The following HNRNPUL2 variants were observed in gnomAD, a reference collection of about 807,000 sequenced individuals.
HNRNPUL2 encodes the protein heterogeneous nuclear ribonucleoprotein U-like protein 2.
HNRNPUL2 carries 27 observed loss-of-function variants against 102.2 expected under a neutral mutation model. That is an observed-to-expected ratio of 0.26 (90% confidence interval 0.19 to 0.36). The LOEUF is 0.36. Ranked by LOEUF, HNRNPUL2 falls within the 10% of genes least tolerant of loss-of-function variation. The probability of loss-of-function intolerance (pLI) is 1.00; values close to 1 mark genes in which losing one functional copy is unlikely to be tolerated. For missense variants in HNRNPUL2, 936 were observed against 981.1 expected (o/e 0.95, Z 0.61); for synonymous variants, 458 against 387.2 (o/e 1.18, Z -2.15).
chr11:62,727,020 G>T lies in HNRNPUL2; in HGVS notation c.137C>A (p.Ala46Asp). ...ALDAEMLEDE[A>D]GGGGAGPGGA... ...GCCGGGCCCGGCCCCGCCGCCGCCG[G>T]CCTCGTCCTCGAGCATCTCGGCGTC... is the stretch of plus-strand genomic sequence containing the variant. The change falls in exon 1 of 14, where the codon GCC becomes GAC. Residue 46 changes from alanine to aspartate, a missense_variant. Coordinates refer to ENST00000301785, the MANE Select transcript of HNRNPUL2 (RefSeq NM_001079559.3). 5 of 1,379,252 alleles carry T rather than the reference G, an allele frequency of 3.6e-6. No homozygotes were observed. The highest frequency in any genetic ancestry group is 4.7e-6 in the Non-Finnish European group (5 of 1,065,942). The allele number at this position is 1,379,252 out of a possible 1,614,324, so 85.4% of individuals were successfully genotyped here.
intron 1 of HNRNPUL2, among the ~76,000 whole-genome samples, chr11:62,725,589 C>T (rs2083739305): frequency 6.6e-6 from 1 of 152,208 alleles, no homozygotes; most frequent in South Asian, 2.1e-4. Flanking sequence ...ACAGGACAAA[C>T]AATCTGCAAG....
intron 7 of HNRNPUL2, 82 bp from the exon 8 acceptor site, chr11:62,722,024 T>A: frequency 1.0e-5 from 16 of 1,604,748 alleles, no homozygotes; most frequent in Non-Finnish European, 1.1e-5. Context: ...CATCCTCCCA[T>A]TCCTGTTTGG....
chr11:62,722,278 G>T lies in HNRNPUL2; in HGVS notation c.1198C>A (p.Leu400Ile). ...CAATTTTTGCAGAGGACATGGGGTA[G>T]AAGGGCCCGGTCTGCCAGGGAATCC... ...SKDSLADRAL[L>I]PHVLCKNCVV... Residue 400 changes from leucine to isoleucine, a missense_variant, in exon 7 of 14, where the codon CTA (leucine) becomes ATA (isoleucine). Leu to Ile is a conservative substitution (Grantham distance 5). Coordinates refer to ENST00000301785, the MANE Select transcript of HNRNPUL2 (RefSeq NM_001079559.3). 1 of 1,614,162 alleles carries T rather than the reference G, an allele frequency of 6.2e-7. No homozygotes were observed. The highest frequency in any genetic ancestry group is 8.5e-7 in the Non-Finnish European group (1 of 1,180,018).
rs1255444026 is a variant in HNRNPUL2, at chr11:62,726,690, T to C, written c.467A>G (p.Glu156Gly). The C allele has an allele frequency of 2.5e-6, 4 of 1,600,220 alleles. No homozygotes were observed. The Admixed American group carries it at 6.7e-5, about 27-fold the overall frequency. The change falls in exon 1 of 14, where the codon GAA becomes GGA. Residue 156 changes from glutamate to glycine, a missense_variant. Glu to Gly is a moderately conservative substitution (Grantham distance 98). Coordinates refer to ENST00000301785, the MANE Select transcript of HNRNPUL2 (RefSeq NM_001079559.3). ...EQGLGKREED[E>G]PEERSGDETP... ...CTCGTCCCCGCTCCGCTCCTCGGGT[T>C]CGTCTTCCTCCCTCTTGCCGAGGCC... is the stretch of plus-strand genomic sequence containing the variant.
intron 2 of HNRNPUL2, 98 bp from the exon 3 acceptor site, chr11:62,724,088 G>A (rs1341006551): frequency 8.3e-7 from 1 of 1,211,994 alleles, no homozygotes; most frequent in African/African-American, 1.5e-5. Context: ...AACTGTCAGT[G>A]AATATCAAAT....
In HNRNPUL2 at chr11:62,715,396, C is replaced by T; in HGVS notation, c.2164-17G>A. 1 of 1,609,712 alleles carries T rather than the reference C, an allele frequency of 6.2e-7. No homozygotes were observed. The highest frequency in any genetic ancestry group is 1.3e-5 in the African/African-American group (1 of 74,658). ...ACTCTGCCACTAGAAGAGAGGGAAA[C>T]CCCATCACTTGGAGCCAGAGCTGGC... On this transcript the variant is annotated splice_polypyrimidine_tract_variant and intron_variant, in intron 13 of 13. Transcript: ENST00000301785.
Position 62,726,781 on chromosome 11 carries a change from C to T in HNRNPUL2, c.376G>A (p.Asp126Asn). ...GCCTCCGCCGGCTTCTCGGAAGCAT[C>T]TGGCTCGGCCGCGGCCTCCATGGCT... ...AAAMEAAAEP[D>N]ASEKPAEATA... The change falls in exon 1 of 14, where the codon GAT (aspartate) becomes AAT (asparagine). Residue 126 changes from aspartate (D) to asparagine (N), a missense_variant. Around this residue, in one of 2 missense-constraint regions of HNRNPUL2, gnomAD observed 327 missense variants for 268.1 expected, o/e 1.22. Transcript: ENST00000301785. 1 of 1,600,194 alleles carries T rather than the reference C, an allele frequency of 6.2e-7. No homozygotes were observed. Among genetic ancestry groups the T allele is most frequent in the Non-Finnish European group, 8.5e-7 (1 of 1,179,206 alleles).
In HNRNPUL2 at chr11:62,714,279, G is replaced by C. The variant is rs1442359789; in HGVS notation, c.*1020C>G. The stretch of plus-strand genomic sequence containing the variant: ...CTGGGCCTGTGAGCCCACACCACAG[G>C]ATTCACCTATATACATATCCCGCTG... On this transcript the variant is annotated 3_prime_UTR_variant, in exon 14 of 14. Coordinates refer to ENST00000301785, the MANE Select transcript of HNRNPUL2 (RefSeq NM_001079559.3). 2 of 152,102 alleles carry C rather than the reference G, an allele frequency of 1.3e-5. No individual in the cohort carries two copies. Among genetic ancestry groups the C allele is most frequent in the Non-Finnish European group, 2.9e-5 (2 of 68,018 alleles). 9.4% of individuals were successfully genotyped at this position (152,102 alleles called of 1,614,324 possible). A position where few individuals can be genotyped will look rare whatever the true frequency, so the allele number is the denominator to read the frequency against.
chr11:62,724,083 T>A, intron 2 of HNRNPUL2, 93 bp from the exon 3 acceptor site: 1 of 1,212,930 alleles, frequency 8.2e-7, no homozygotes, highest in South Asian at 1.3e-5. Context: ...TTTTAAACTG[T>A]CAGTGAATAT....
intron 7 of HNRNPUL2, 50 bp downstream of exon 7, chr11:62,722,067 C>G (rs2083706959): frequency 1.2e-6 from 2 of 1,603,420 alleles, no homozygotes; most frequent in Non-Finnish European, 8.5e-7. Context: ...GCATACGCAC[C>G]CACCTCTGCA....
In HNRNPUL2 at chr11:62,713,629, G is replaced by C. The variant is rs1444879490; in HGVS notation, c.*1670C>G. On this transcript the variant is annotated 3_prime_UTR_variant, in exon 14 of 14. Coordinates refer to ENST00000301785, the MANE Select transcript of HNRNPUL2 (RefSeq NM_001079559.3). ...ACAAGGACACTAGAGGCCAGAATAA[G>C]GGTCTGTACACCTGAACAAGGGCTG... 1 of 152,256 alleles carries C rather than the reference G, an allele frequency of 6.6e-6. No homozygotes were observed. Among genetic ancestry groups the C allele is most frequent in the African/African-American group, 2.4e-5 (1 of 41,446 alleles). 9.4% of individuals were successfully genotyped at this position (152,256 alleles called of 1,614,324 possible).
At chr11:62,716,257 A>T (rs1178982350) in intron 11 of HNRNPUL2, among the ~76,000 whole-genome samples, 1 of 152,212 alleles carries the variant, frequency 6.6e-6, no homozygotes, top group Non-Finnish European at 1.5e-5. Context: ...ATAGAATCAG[A>T]CTTTCAGCCC....
At chr11:62,721,083 T>G (rs575354388) in intron 9 of HNRNPUL2, among the ~76,000 whole-genome samples, 36 of 152,310 alleles carry the variant, frequency 2.4e-4, no homozygotes, top group African/African-American at 8.4e-4. Flanking sequence ...GTTCCAACTC[T>G]TTCCATTGTC....
intron 1 of HNRNPUL2, 118 bp downstream of exon 1, chr11:62,726,501 T>G: frequency 1.9e-6 from 2 of 1,061,860 alleles, no homozygotes; most frequent in South Asian, 3.6e-5. Context: ...AGGAGTTCCA[T>G]CAAATGGCAC....
In HNRNPUL2 at chr11:62,714,055, G is replaced by T. The variant is rs2083639279; in HGVS notation, c.*1244C>A. 1 of 152,078 alleles carries T rather than the reference G, an allele frequency of 6.6e-6. No homozygotes were observed. The highest frequency in any genetic ancestry group is 1.5e-5 in the Non-Finnish European group (1 of 68,044). 9.4% of individuals were successfully genotyped at this position (152,078 alleles called of 1,614,324 possible). A position where few individuals can be genotyped will look rare whatever the true frequency, so the allele number is the denominator to read the frequency against. ...TTTTGTTTCTAGAAGTCGGGAAGGGGTGCTCCCTTTCACACGCACATTTAC... is the reference window on the plus strand; with the variant it reads ...TTTTGTTTCTAGAAGTCGGGAAGGGTTGCTCCCTTTCACACGCACATTTAC... On this transcript the variant is annotated 3_prime_UTR_variant, in exon 14 of 14. Coordinates refer to ENST00000301785, the MANE Select transcript of HNRNPUL2 (RefSeq NM_001079559.3).
chr11:62,715,526 C>G lies in HNRNPUL2; in HGVS notation c.2137G>C (p.Asp713His), dbSNP rs1258928749. 83 of 1,612,340 alleles carry G rather than the reference C, an allele frequency of 5.1e-5. No homozygotes were observed. Among genetic ancestry groups the G allele is most frequent in the Non-Finnish European group, 6.8e-5 (80 of 1,178,746 alleles). Residue 713 changes from aspartate to histidine, a missense_variant, in exon 13 of 14, where the codon GAC becomes CAC. Asp to His is a moderately conservative substitution (Grantham distance 81, BLOSUM62 -1). Coordinates refer to ENST00000301785, the MANE Select transcript of HNRNPUL2 (RefSeq NM_001079559.3). ...GRDYEYNRYRDYYRQYNRDWQ... is the reference protein window; with the variant it reads ...GRDYEYNRYRHYYRQYNRDWQ... Reference sequence around the variant, plus strand: ...TCCCGATTGTATTGTCTGTAATAGTCTCTGTATCTGTTGTACTCATAATCT... The same window carrying G: ...TCCCGATTGTATTGTCTGTAATAGTGTCTGTATCTGTTGTACTCATAATCT...
chr11:62,724,482 C>T, intron 1 of HNRNPUL2, 56 bp from the exon 2 acceptor site: 2 of 1,595,102 alleles, frequency 1.3e-6, no homozygotes, highest in Non-Finnish European at 1.7e-6. Flanking sequence ...GTAGAATAAG[C>T]TCACAACTAA....
rs985608786 is a variant in HNRNPUL2, at chr11:62,717,180, G to A, written c.1790C>T (p.Ser597Phe). The A allele has an allele frequency of 6.2e-7, 1 of 1,613,810 alleles. No homozygotes were observed. Among genetic ancestry groups the A allele is most frequent in the Admixed American group, 1.7e-5 (1 of 60,020 alleles). ...SIMLEMKANF[S>F]LPEKCDYMDE... The stretch of plus-strand genomic sequence containing the variant: ...CATATAGTCGCATTTTTCAGGCAAA[G>A]AGAAGTTGGCTATAAGAGTAAGAGA... The change falls in exon 11 of 14, where the codon TCT becomes TTT. Residue 597 changes from serine to phenylalanine, a missense_variant. Around this residue, in one of 2 missense-constraint regions of HNRNPUL2, gnomAD observed 609 missense variants for 713.0 expected, o/e 0.85. Coordinates refer to ENST00000301785, the MANE Select transcript of HNRNPUL2 (RefSeq NM_001079559.3).
At position 62,723,588 on chromosome 11, in the gene HNRNPUL2, T is replaced by A; in HGVS notation, c.890A>T (p.Lys297Met). The change falls in exon 4 of 14, where the codon AAG becomes ATG. Residue 297 changes from lysine to methionine, a missense_variant and splice_region_variant. Lys to Met is a moderately conservative substitution (Grantham distance 95). Coordinates refer to ENST00000301785, the MANE Select transcript of HNRNPUL2 (RefSeq NM_001079559.3). ...GAATGAATGGTCTTAATGAGCTACC[T>A]TTGCCTCAAAGCAGACTTTTCCCTT... ...VTKGKVCFEA[K>M]VTQNLPMKEG... 1 of 1,602,370 alleles carries A rather than the reference T, an allele frequency of 6.2e-7. No homozygotes were observed. The highest frequency in any genetic ancestry group is 1.1e-5 in the South Asian group (1 of 89,598).
Sources: gnomAD v4.1 joint callset for allele counts (sites outside exome capture counted in the v4.1 genomes callset) on GRCh38, gnomAD v4.1.1 for gene constraint, gnomAD v4.1.1 regional missense constraint, MANE v1.5 for transcripts, NCBI Gene and HGNC (gene_info 2026-07-23, HGNC 2026-07-21) for gene names.